MECOM: variants seen among roughly 807,000 people sequenced by gnomAD.
The protein encoded by MECOM is MDS1 and EVI1 complex locus.
In MECOM, 13 loss-of-function variants were observed where a neutral mutation model predicts 116.3. The observed-to-expected ratio is 0.11, with a 90% CI of 0.07 to 0.18. The LOEUF is 0.18. MECOM is among the 10% of genes least tolerant of loss of function. The pLI is 1.00. For missense variants in MECOM, 1,299 were observed against 1,509.0 expected, an observed-to-expected ratio of 0.86 and a Z score of 2.31; for synonymous variants, 528 against 535.2, an observed-to-expected ratio of 0.99 and a Z score of 0.19.
chr3:169,656,817 A>C (rs1308439431), intron 1 of MECOM, among the ~76,000 whole-genome samples: 1 of 152,186 alleles, frequency 6.6e-6, no homozygotes, highest in East Asian at 1.9e-4. Context: ...ACAACTCCAG[A>C]TGTGGTCCAC....
intron 2 of MECOM, among the ~76,000 whole-genome samples, chr3:169,289,143 C>T (rs1436707882): frequency 6.6e-6 from 1 of 152,166 alleles, no homozygotes; most frequent in Non-Finnish European, 1.5e-5. Context: ...TACTATATAT[C>T]TATATGTGGT....
chr3:169,567,380 C>T (rs1291146404), intron 1 of MECOM, among the ~76,000 whole-genome samples: 1 of 152,206 alleles, frequency 6.6e-6, no homozygotes, highest in Non-Finnish European at 1.5e-5. Flanking sequence ...TGTGGCAGGA[C>T]TTGGATTCCG....
At chr3:169,229,562 T>C (rs76959131) in intron 2 of MECOM, among the ~76,000 whole-genome samples, 9 of 152,110 alleles carry the variant, frequency 5.9e-5, no homozygotes, top group Non-Finnish European at 1.2e-4. Context: ...AAGAGGCCCA[T>C]TGAGCTGAAT....
chr3:169,617,758 G>A (rs571342557), intron 1 of MECOM, among the ~76,000 whole-genome samples: 1 of 152,292 alleles, frequency 6.6e-6, no homozygotes, highest in Non-Finnish European at 1.5e-5. Flanking sequence ...TATAAAGGGA[G>A]AAAATTTCAT....
chr3:169,569,716 GCTC>G (rs1553888444), intron 1 of MECOM, among the ~76,000 whole-genome samples: 1 of 152,106 alleles, frequency 6.6e-6, no homozygotes, highest in Non-Finnish European at 1.5e-5. Flanking sequence ...TGAACAACCT[GCTC>G]CTGAAGGACA....
chr3:169,430,073 T>C (rs2141341), intron 1 of MECOM, among the ~76,000 whole-genome samples: 17,574 of 152,210 alleles, frequency 0.12, 1,295 homozygotes, highest in East Asian at 0.3. Context: ...ATTGATGCCT[T>C]CCCTGGTAAG....
At chr3:169,216,476 T>C (rs558794218) in intron 2 of MECOM, among the ~76,000 whole-genome samples, 2 of 152,200 alleles carry the variant, frequency 1.3e-5, no homozygotes, top group African/African-American at 4.8e-5. Context: ...GGCTGCCAGG[T>C]TGCAAGGTCT....
At chr3:169,658,054 G>C (rs889388716) in intron 1 of MECOM, among the ~76,000 whole-genome samples, 2 of 152,096 alleles carry the variant, frequency 1.3e-5, no homozygotes, top group African/African-American at 4.8e-5. Context: ...CAATTTCCTT[G>C]AAAATTCCCT....
chr3:169,466,881 G>A (rs1021153972), intron 1 of MECOM, among the ~76,000 whole-genome samples: 3 of 152,100 alleles, frequency 2.0e-5, no homozygotes, highest in Admixed American at 6.6e-5. Flanking sequence ...CACTTACTTA[G>A]GTGAACTAGT....
intron 1 of MECOM, among the ~76,000 whole-genome samples, chr3:169,409,600 A>G (rs1196207312): frequency 1.3e-5 from 2 of 152,198 alleles, no homozygotes; most frequent in African/African-American, 4.8e-5. Flanking sequence ...TGTGTGATGC[A>G]GTACTTTATT....
At chr3:169,317,044 G>A (rs556766290) in intron 2 of MECOM, among the ~76,000 whole-genome samples, 25 of 152,256 alleles carry the variant, frequency 1.6e-4, no homozygotes, top group South Asian at 4.2e-4. Flanking sequence ...ATTTCCCAGC[G>A]TGAGGGACCT....
At chr3:169,465,996 G>A (rs989789197) in intron 1 of MECOM, among the ~76,000 whole-genome samples, 2 of 152,158 alleles carry the variant, frequency 1.3e-5, no homozygotes, top group African/African-American at 4.8e-5. Flanking sequence ...AAAATCACAT[G>A]TCCTTACAAA....
At chr3:169,521,098 G>T (rs983753241) in intron 1 of MECOM, among the ~76,000 whole-genome samples, 3 of 152,196 alleles carry the variant, frequency 2.0e-5, no homozygotes, top group African/African-American at 7.2e-5. Flanking sequence ...GAGAAGATAG[G>T]TGAGGCTGGA....
At chr3:169,605,796 T>A (rs1768456087) in intron 1 of MECOM, among the ~76,000 whole-genome samples, 1 of 152,332 alleles carries the variant, frequency 6.6e-6, no homozygotes, top group Non-Finnish European at 1.5e-5. Flanking sequence ...TTTACCCAAC[T>A]TTTTTAAACA....
intron 1 of MECOM, among the ~76,000 whole-genome samples, chr3:169,551,112 G>A (rs1761351828): frequency 6.6e-6 from 1 of 152,072 alleles, no homozygotes; most frequent in South Asian, 2.1e-4. Flanking sequence ...TTTAAGTGAT[G>A]TCTGTGGTGG....
chr3:169,101,978 A>C, intron 11 of MECOM, 82 bp downstream of exon 11: 1 of 1,378,464 alleles, frequency 7.3e-7, no homozygotes. Flanking sequence ...AATCAGGAAT[A>C]ATTTCCAAAA....
chr3:169,252,206 T>C (rs575667423), intron 2 of MECOM, among the ~76,000 whole-genome samples: 7 of 152,158 alleles, frequency 4.6e-5, no homozygotes, highest in Admixed American at 6.6e-5. Flanking sequence ...GCAACTTTAA[T>C]GTAAAGTTAT....
chr3:169,259,238 G>C (rs1757238322), intron 2 of MECOM, among the ~76,000 whole-genome samples: 1 of 151,996 alleles, frequency 6.6e-6, no homozygotes, highest in African/African-American at 2.4e-5. Flanking sequence ...AAAACAATTT[G>C]GGTTGTCCTA....
chr3:169,523,347 T>C (rs1384846993), intron 1 of MECOM, among the ~76,000 whole-genome samples: 1 of 152,040 alleles, frequency 6.6e-6, no homozygotes, highest in Non-Finnish European at 1.5e-5. Context: ...GTTCTGCTGG[T>C]TGGGAGAGAG....
Sources: gnomAD v4.1 joint callset for allele counts (sites outside exome capture counted in the v4.1 genomes callset) on GRCh38, gnomAD v4.1.1 for gene constraint, MANE v1.5 for transcripts, NCBI Gene and HGNC (gene_info 2026-07-23, HGNC 2026-07-21) for gene names.